C1orf21: variants seen among roughly 807,000 people sequenced by gnomAD.
C1orf21 encodes the protein chromosome 1 open reading frame 21.
C1orf21 carries 3 observed loss-of-function variants against 18.7 expected under a neutral mutation model. That is an observed-to-expected ratio of 0.16 (90% CI 0.07 to 0.42). C1orf21 has a LOEUF of 0.42. Ranked by LOEUF, C1orf21 falls within the 10% of genes least tolerant of loss-of-function variation. The pLI, the probability that C1orf21 is intolerant of heterozygous loss-of-function variation, is 0.99. For missense variants in C1orf21, 104 were observed against 143.6 expected, an observed-to-expected ratio of 0.72 and a Z score of 1.41; for synonymous variants, 41 against 46.4, an observed-to-expected ratio of 0.88 and a Z score of 0.47.
At chr1:184,514,610 C>T (rs1254050916) in intron 3 of C1orf21, among the ~76,000 whole-genome samples, 1 of 152,074 alleles carries the variant, frequency 6.6e-6, no homozygotes, top group African/African-American at 2.4e-5. Flanking sequence ...ACATGCACAC[C>T]CATAACCCAG....
chr1:184,593,611 G>A (rs1659474893), intron 4 of C1orf21, among the ~76,000 whole-genome samples: 1 of 147,438 alleles, frequency 6.8e-6, no homozygotes, highest in Non-Finnish European at 1.5e-5. Context: ...TTTTCTCAGA[G>A]AGAGATTGAA....
chr1:184,437,128 T>C (rs1656871178), intron 1 of C1orf21, among the ~76,000 whole-genome samples: 1 of 152,144 alleles, frequency 6.6e-6, no homozygotes, highest in Admixed American at 6.5e-5. Flanking sequence ...TTCAGAAGAT[T>C]GAGATGTTTG....
At chr1:184,458,124 GC>G (rs1557977166) in intron 1 of C1orf21, among the ~76,000 whole-genome samples, 1 of 151,950 alleles carries the variant, frequency 6.6e-6, no homozygotes, top group East Asian at 1.9e-4. Context: ...ACGTTCCTTC[GC>G]CTGACCCGTT....
intron 1 of C1orf21, among the ~76,000 whole-genome samples, chr1:184,394,374 A>T (rs182169672): frequency 3.9e-5 from 6 of 152,242 alleles, no homozygotes; most frequent in Admixed American, 2.0e-4. Flanking sequence ...GGTTTTTCCC[A>T]CCTGAACTGG....
intron 2 of C1orf21, among the ~76,000 whole-genome samples, chr1:184,501,984 G>C (rs949270614): frequency 7.2e-5 from 11 of 152,152 alleles, no homozygotes; most frequent in African/African-American, 2.7e-4. Context: ...AGTGTCACTA[G>C]TAAATTTTAA....
At position 184,479,156 on chromosome 1, in the gene C1orf21, G is replaced by A. The variant is rs185842044; in HGVS notation, c.94+1553G>A. On this transcript the variant is annotated intron_variant, in intron 2 of 5. Coordinates refer to ENST00000235307, the MANE Select transcript of C1orf21 (RefSeq NM_030806.4). ...GTAACTACCTATAGCATTGAGAACTGTGGAGAAGAGTAACATATATGAACA... is the reference window on the plus strand; with the variant it reads ...GTAACTACCTATAGCATTGAGAACTATGGAGAAGAGTAACATATATGAACA... Among the ~76,000 whole-genome samples the A allele has an allele frequency of 3.3e-5, 5 of 152,314 alleles. No individual in the cohort carries two copies. In the East Asian group the frequency reaches 9.6e-4, roughly 29 times the overall value.
intron 1 of C1orf21, among the ~76,000 whole-genome samples, chr1:184,398,305 A>G (rs926801263): frequency 6.6e-6 from 1 of 152,240 alleles, no homozygotes; most frequent in South Asian, 2.1e-4. Context: ...CTTCACAGAC[A>G]GAGAATGACT....
At chr1:184,469,620 G>C (rs1657463339) in intron 1 of C1orf21, among the ~76,000 whole-genome samples, 1 of 152,180 alleles carries the variant, frequency 6.6e-6, no homozygotes, top group Non-Finnish European at 1.5e-5. Context: ...TGTAGTTTAT[G>C]GTGTTAGGGA....
chr1:184,436,607 T>C (rs1557971867), intron 1 of C1orf21, among the ~76,000 whole-genome samples: 1 of 152,164 alleles, frequency 6.6e-6, no homozygotes, highest in Non-Finnish European at 1.5e-5. Flanking sequence ...CACTTATTCC[T>C]CACTGAATAG....
chr1:184,567,611 A>G, intron 3 of C1orf21: 1 of 445,804 alleles, frequency 2.2e-6, no homozygotes, highest in South Asian at 1.8e-5. Context: ...TTGGTGGGGC[A>G]GGCAGTGGAG....
chr1:184,604,565 T>C lies in C1orf21; in HGVS notation c.327+6104T>C, dbSNP rs1163672058. Among the ~76,000 whole-genome samples the C allele has an allele frequency of 3.9e-5, 6 of 152,352 alleles. No individual in the cohort carries two copies. In the East Asian group the frequency reaches 1.2e-3, roughly 29 times the overall value. ...CTTCATCACCTTGCCTTGCCATCTC[T>C]CTCCTCTGAGTGTACCTTTCCTCAT... On this transcript the variant is annotated intron_variant, in intron 5 of 5. Coordinates refer to ENST00000235307, the MANE Select transcript of C1orf21 (RefSeq NM_030806.4).
Position 184,579,262 on chromosome 1 carries a change from G to A in C1orf21, c.190-11477G>A, listed in dbSNP as rs1167749155. Among the ~76,000 whole-genome samples, 4 of 149,678 alleles carry A rather than the reference G, an allele frequency of 2.7e-5. No homozygotes were observed. In the East Asian group the frequency reaches 7.9e-4, roughly 29 times the overall value. On this transcript the variant is annotated intron_variant, in intron 3 of 5. Transcript: ENST00000235307. ...AGATAGGGTTCCACCATGTTAGCCAGGCTGGTCTCAAACTCCTGGACTCAA... is the reference window on the plus strand; with the variant it reads ...AGATAGGGTTCCACCATGTTAGCCAAGCTGGTCTCAAACTCCTGGACTCAA...
intron 1 of C1orf21, among the ~76,000 whole-genome samples, chr1:184,419,736 G>A (rs1424888336): frequency 6.6e-6 from 1 of 152,182 alleles, no homozygotes; most frequent in African/African-American, 2.4e-5. Context: ...AGGTGCTTGA[G>A]TTAGCCATGC....
chr1:184,551,456 C>G (rs1658811779), intron 3 of C1orf21, among the ~76,000 whole-genome samples: 1 of 152,148 alleles, frequency 6.6e-6, no homozygotes. Flanking sequence ...CTTGGATTAA[C>G]CTCAGGGCAG....
rs34959231 is a variant in C1orf21 at position 184,625,942 on chromosome 1, C to T, written c.*6386C>T. ...AGCCACATACAGCCACCACATGTGT[C>T]ACACACTGTCCCCCTCATCCATGTG... On this transcript the variant is annotated 3_prime_UTR_variant, in exon 6 of 6. Transcript: ENST00000235307. The T allele has an allele frequency of 0.058, 8,785 of 152,322 alleles. 382 individuals are homozygous for T. Among genetic ancestry groups the T allele is most frequent in the Non-Finnish European group, 0.087 (5,903 of 68,070 alleles). The allele number at this position is 152,322 out of a possible 1,614,324, so 9.4% of individuals were successfully genotyped here. A position where few individuals can be genotyped will look rare whatever the true frequency, so the allele number is the denominator to read the frequency against.
At chr1:184,499,419 T>C (rs1657939793) in intron 2 of C1orf21, among the ~76,000 whole-genome samples, 2 of 152,204 alleles carry the variant, frequency 1.3e-5, no homozygotes, top group African/African-American at 4.8e-5. Context: ...TTCCTTTGGA[T>C]ATCACATGAA....
chr1:184,411,970 G>A (rs568667965), intron 1 of C1orf21: 1 of 152,338 alleles, frequency 6.6e-6, no homozygotes, highest in African/African-American at 2.4e-5. Flanking sequence ...AAGAGAAACT[G>A]GGATGAAAAG....
intron 5 of C1orf21, among the ~76,000 whole-genome samples, chr1:184,599,989 C>T (rs879822782): frequency 6.6e-6 from 1 of 152,158 alleles, no homozygotes; most frequent in African/African-American, 2.4e-5. Flanking sequence ...CCCACTGAAA[C>T]GATGAAGATC....
At chr1:184,545,667 C>T (rs1658718103) in intron 3 of C1orf21, among the ~76,000 whole-genome samples, 1 of 152,138 alleles carries the variant, frequency 6.6e-6, no homozygotes, top group South Asian at 2.1e-4. Context: ...TTGTGCAGTG[C>T]ACTAAGTGAC....
Sources: allele counts gnomAD v4.1 joint callset (sites outside exome capture counted in the v4.1 genomes callset), GRCh38; gene constraint gnomAD v4.1.1; transcripts MANE v1.5; gene names NCBI Gene and HGNC (gene_info 2026-07-23, HGNC 2026-07-21).